FBXL17: variants seen among roughly 807,000 people sequenced by gnomAD.
The protein encoded by FBXL17 is F-box/LRR-repeat protein 17.
A neutral mutation model predicts 66.2 loss-of-function variants in FBXL17; 22 were observed. The ratio of observed to expected loss-of-function variants is 0.33; its 90% CI spans 0.24 to 0.47. FBXL17 has a LOEUF of 0.47. FBXL17 is among the 20% of genes least tolerant of loss of function. FBXL17 has a pLI of 1.00. For synonymous variants in FBXL17, 474 were observed against 400.5 expected (o/e 1.18, Z -2.19); for missense variants, 878 against 948.2 (o/e 0.93, Z 0.97).
At chr5:108,107,041 T>C (rs1216416031) in intron 6 of FBXL17, among the ~76,000 whole-genome samples, 1 of 152,182 alleles carries the variant, frequency 6.6e-6, no homozygotes, top group African/African-American at 2.4e-5. Context: ...ATCAATTATG[T>C]AAAATTTCCT....
intron 7 of FBXL17, among the ~76,000 whole-genome samples, chr5:107,901,621 TCTC>T (rs1249647472): frequency 2.0e-5 from 3 of 152,104 alleles, no homozygotes; most frequent in South Asian, 2.1e-4. Flanking sequence ...GAAATATACT[TCTC>T]CTCCGTAAAG....
intron 7 of FBXL17, among the ~76,000 whole-genome samples, chr5:107,922,923 C>T (rs1750372047): frequency 6.6e-6 from 1 of 152,182 alleles, no homozygotes; most frequent in Non-Finnish European, 1.5e-5. Flanking sequence ...TAAAGCATTA[C>T]AATTTTTTCT....
chr5:107,915,505 C>A (rs1750099109), intron 7 of FBXL17, among the ~76,000 whole-genome samples: 1 of 152,090 alleles, frequency 6.6e-6, no homozygotes, highest in Non-Finnish European at 1.5e-5. Context: ...CACCAATAGT[C>A]TGGAAAAAAT....
intron 6 of FBXL17, among the ~76,000 whole-genome samples, chr5:108,155,201 T>C (rs1751946818): frequency 6.6e-6 from 1 of 152,124 alleles, no homozygotes; most frequent in Non-Finnish European, 1.5e-5. Flanking sequence ...TACAGCTGTT[T>C]GTGGTTTCCG....
At chr5:108,139,228 G>A (rs531851668) in intron 6 of FBXL17, among the ~76,000 whole-genome samples, 17 of 152,310 alleles carry the variant, frequency 1.1e-4, no homozygotes, top group Non-Finnish European at 2.2e-4. Context: ...TTTAAGTAAC[G>A]GAGGATATTC....
At chr5:108,237,308 G>C (rs1265781183) in intron 4 of FBXL17, among the ~76,000 whole-genome samples, 2 of 152,174 alleles carry the variant, frequency 1.3e-5, no homozygotes, top group African/African-American at 2.4e-5. Flanking sequence ...CTGCCTCCAA[G>C]AGCAGAGGTA....
At chr5:107,983,899 G>C (rs1466291958) in intron 7 of FBXL17, among the ~76,000 whole-genome samples, 2 of 152,142 alleles carry the variant, frequency 1.3e-5, no homozygotes, top group Admixed American at 1.3e-4. Context: ...TGAGAACAAA[G>C]GTGGGGAGGG....
intron 6 of FBXL17, among the ~76,000 whole-genome samples, chr5:108,044,150 C>G (rs544714006): frequency 1.2e-3 from 186 of 152,206 alleles, no homozygotes; most frequent in African/African-American, 4.1e-3. Context: ...TTCATTTATT[C>G]CCTTCCAATC....
intron 7 of FBXL17, among the ~76,000 whole-genome samples, chr5:107,979,712 G>A (rs1302065855): frequency 3.3e-5 from 5 of 152,092 alleles, no homozygotes; most frequent in Non-Finnish European, 5.9e-5. Context: ...TTTCTATTAC[G>A]GGGCTAACAT....
intron 5 of FBXL17, among the ~76,000 whole-genome samples, chr5:108,222,836 A>C (rs929741055): frequency 2.0e-5 from 3 of 151,672 alleles, no homozygotes; most frequent in African/African-American, 7.3e-5. Flanking sequence ...CACCATGCCC[A>C]GCTAATTTTT....
Position 108,298,653 on chromosome 5 carries a change from C to T in FBXL17, c.1506+49746G>A, listed in dbSNP as rs1015352134. ...TTGATCAACACAAAACACAGTTCAT[C>T]CTTTGATATAGTAATATACTATCTT... On this transcript the variant is annotated intron_variant, in intron 4 of 8. Coordinates refer to ENST00000542267, the MANE Select transcript of FBXL17 (RefSeq NM_001163315.3). 8 of 888,226 alleles carry T rather than the reference C, an allele frequency of 9.0e-6. No individual in the cohort carries two copies. In the African/African-American group the frequency reaches 1.5e-4, roughly 16 times the overall value. The allele number at this position is 888,226 out of a possible 1,614,324, so 55.0% of individuals were successfully genotyped here.
chr5:107,968,386 A>C (rs897440169), intron 7 of FBXL17, among the ~76,000 whole-genome samples: 4 of 152,144 alleles, frequency 2.6e-5, no homozygotes, highest in African/African-American at 9.7e-5. Context: ...CCGAGATGTA[A>C]GCATAAAATA....
intron 4 of FBXL17, among the ~76,000 whole-genome samples, chr5:108,325,593 A>G (rs570352207): frequency 2.6e-5 from 4 of 152,312 alleles, no homozygotes; most frequent in African/African-American, 9.6e-5. Context: ...TTAACATAGC[A>G]GGTCCCACCT....
intron 6 of FBXL17, among the ~76,000 whole-genome samples, chr5:108,065,711 T>C (rs1292749977): frequency 1.3e-5 from 2 of 152,088 alleles, no homozygotes; most frequent in African/African-American, 2.4e-5. Flanking sequence ...AGGTCCAACA[T>C]GAAAGAAAAC....
At chr5:108,312,475 T>A (rs1029690061) in intron 4 of FBXL17, among the ~76,000 whole-genome samples, 2 of 152,042 alleles carry the variant, frequency 1.3e-5, no homozygotes, top group Admixed American at 6.6e-5. Flanking sequence ...ATTTCACACA[T>A]ATCTTCTATT....
intron 5 of FBXL17, among the ~76,000 whole-genome samples, chr5:108,216,802 G>A (rs1221763771): frequency 6.6e-6 from 1 of 152,068 alleles, no homozygotes; most frequent in Non-Finnish European, 1.5e-5. Context: ...AACTAGCACG[G>A]GGTGTTATAC....
At chr5:108,167,205 A>G (rs1160238311) in intron 6 of FBXL17, among the ~76,000 whole-genome samples, 2 of 152,182 alleles carry the variant, frequency 1.3e-5, no homozygotes, top group Admixed American at 6.5e-5. Context: ...ACCATAAGCA[A>G]TAAGTAACCT....
Position 108,339,203 on chromosome 5 carries a change from A to G in FBXL17, c.1506+9196T>C, listed in dbSNP as rs571142130. 4.6e-5 allele frequency among the ~76,000 whole-genome samples: 7 copies of G among 152,328 alleles called. No individual in the cohort carries two copies. In the South Asian group the frequency reaches 1.2e-3, roughly 27 times the overall value. On this transcript the variant is annotated intron_variant, in intron 4 of 8. Transcript: ENST00000542267. The stretch of plus-strand genomic sequence containing the variant: ...AGTTTAGTCACTGAAATAACTGGGA[A>G]TAAGTCTTGGATATCCTAAAACCCT...
At chr5:108,007,723 T>A (rs1753990619) in intron 7 of FBXL17, among the ~76,000 whole-genome samples, 1 of 152,140 alleles carries the variant, frequency 6.6e-6, no homozygotes, top group South Asian at 2.1e-4. Context: ...TTTTCATAAA[T>A]CTGAGAGCGT....
Sources: allele counts gnomAD v4.1 joint callset (sites outside exome capture counted in the v4.1 genomes callset), GRCh38; gene constraint gnomAD v4.1.1; transcripts MANE v1.5; gene names NCBI Gene and HGNC (gene_info 2026-07-23, HGNC 2026-07-21).